Variants in EML6 observed in about 807,000 individuals in gnomAD.
EML6 encodes the protein echinoderm microtubule-associated protein-like 6.
EML6 carries 154 observed loss-of-function variants against 240.1 expected under a neutral mutation model. The ratio of observed to expected loss-of-function variants is 0.64; its 90% CI spans 0.56 to 0.73. The LOEUF is 0.73. EML6 is among the 30% of genes least tolerant of loss of function. The pLI is 0.00. For synonymous variants in EML6, 1,148 were observed against 899.0 expected, an observed-to-expected ratio of 1.28 and a Z score of -4.95; for missense variants, 2,964 against 2,474.6, an observed-to-expected ratio of 1.20 and a Z score of -4.20.
chr2:54,773,794 T>C lies in EML6; in HGVS notation c.198-39438T>C, dbSNP rs1021443731. ...CTGTTTCTTCTGTGCTCAGGAATTA[T>C]GAAATTAGCGCTTCTCCTAAGGAAA... On this transcript the variant is annotated intron_variant, in intron 2 of 41. Coordinates refer to ENST00000356458, the MANE Select transcript of EML6 (RefSeq NM_001039753.4). Among the ~76,000 whole-genome samples, 3 of 152,252 alleles carry C rather than the reference T, an allele frequency of 2.0e-5. No individual in the cohort carries two copies. The South Asian group carries it at 6.2e-4, about 32-fold the overall frequency.
chr2:54,738,086 A>T (rs1180349337), intron 2 of EML6, among the ~76,000 whole-genome samples: 2 of 151,888 alleles, frequency 1.3e-5, no homozygotes, highest in African/African-American at 4.8e-5. Context: ...CTCTTCTCTA[A>T]CACATTCCTT....
chr2:54,847,357 G>T, intron 8 of EML6, 129 bp from the exon 9 acceptor site: 1 of 897,350 alleles, frequency 1.1e-6, no homozygotes, highest in South Asian at 1.8e-5. Flanking sequence ...ATGATAAAGG[G>T]CTCTGGTGTG....
At chr2:54,733,926 A>G (rs1683278031) in intron 2 of EML6, among the ~76,000 whole-genome samples, 1 of 152,226 alleles carries the variant, frequency 6.6e-6, no homozygotes, top group African/African-American at 2.4e-5. Flanking sequence ...CAGAAGGTGG[A>G]GTAGAAGAGA....
At chr2:54,917,240 C>T (rs1487338254) in intron 26 of EML6, among the ~76,000 whole-genome samples, 2 of 152,040 alleles carry the variant, frequency 1.3e-5, no homozygotes, top group South Asian at 4.1e-4. Flanking sequence ...CATTAGGATA[C>T]TTCCACAGAT....
At chr2:54,737,290 A>G (rs1683440750) in intron 2 of EML6, among the ~76,000 whole-genome samples, 1 of 151,962 alleles carries the variant, frequency 6.6e-6, no homozygotes, top group African/African-American at 2.4e-5. Flanking sequence ...AATAATGCAT[A>G]TGTTTTCTTT....
chr2:54,968,646 C>T, intron 40 of EML6, 22 bp from the exon 41 acceptor site: 1 of 1,449,960 alleles, frequency 6.9e-7, no homozygotes, highest in Non-Finnish European at 9.5e-7. Flanking sequence ...TCTTAGCTGT[C>T]TCCATTCACT....
chr2:54,862,338 T>TAAAAAA (rs35834327), intron 12 of EML6, among the ~76,000 whole-genome samples: 3 of 37,696 alleles, frequency 8.0e-5, no homozygotes, highest in African/African-American at 1.1e-4. Context: ...ACTCCATCTC[T>TAAAAAA]AAAAAAAAAA....
chr2:54,871,238 C>G (rs1671240398), intron 15 of EML6, among the ~76,000 whole-genome samples: 1 of 152,162 alleles, frequency 6.6e-6, no homozygotes, highest in Non-Finnish European at 1.5e-5. Context: ...GCACAGTGGA[C>G]ATTTGAATTA....
chr2:54,861,145 A>G (rs1670649834), intron 12 of EML6, among the ~76,000 whole-genome samples: 1 of 152,134 alleles, frequency 6.6e-6, no homozygotes, highest in South Asian at 2.1e-4. Flanking sequence ...GCAAACATAT[A>G]ATAGCCTTCC....
intron 13 of EML6, among the ~76,000 whole-genome samples, chr2:54,864,238 G>A (rs2006878): frequency 0.21 from 32,077 of 152,168 alleles, 3,959 homozygotes; most frequent in Non-Finnish European, 0.28. Context: ...ATGAAAGCAT[G>A]TGTTTCCTTT....
intron 2 of EML6, among the ~76,000 whole-genome samples, chr2:54,752,290 A>T (rs2103711411): frequency 6.6e-6 from 1 of 152,350 alleles, no homozygotes; most frequent in African/African-American, 2.4e-5. Flanking sequence ...ATCTGTTCAC[A>T]TTTTTGTGAA....
chr2:54,761,437 G>A (rs1044669140), intron 2 of EML6, among the ~76,000 whole-genome samples: 6 of 152,014 alleles, frequency 3.9e-5, no homozygotes, highest in African/African-American at 1.4e-4. Flanking sequence ...GTTGAATAAG[G>A]TATTTCCCCT....
chr2:54,827,565 G>T lies in EML6; in HGVS notation c.526-1G>T. 6.4e-7 allele frequency: 1 copy of T among 1,551,092 alleles called. No homozygotes were observed. Among genetic ancestry groups the T allele is most frequent in the Non-Finnish European group, 8.7e-7 (1 of 1,146,622 alleles). On this transcript the variant is annotated splice_acceptor_variant, in intron 5 of 41. Transcript: ENST00000356458. LOFTEE classifies it high-confidence loss of function. ...GATCTATTTTATCACTTACATTGTA[G>T]TTTTGGACACTGTGTGGAAATGCCC...
At chr2:54,802,281 A>G (rs567204977) in intron 2 of EML6, among the ~76,000 whole-genome samples, 27 of 152,280 alleles carry the variant, frequency 1.8e-4, no homozygotes, top group Non-Finnish European at 1.5e-4. Flanking sequence ...AAAAATCACA[A>G]TAAGTAACTT....
At chr2:54,842,790 A>G (rs762437485) in intron 7 of EML6, among the ~76,000 whole-genome samples, 3 of 152,260 alleles carry the variant, frequency 2.0e-5, no homozygotes, top group Non-Finnish European at 4.4e-5. Flanking sequence ...CCTAGGGAGG[A>G]TGAAATAGTA....
At position 54,958,423 on chromosome 2, in the gene EML6, C is replaced by G. The variant is rs548200401; in HGVS notation, c.4695+425C>G. Among the ~76,000 whole-genome samples, 6 of 152,232 alleles carry G rather than the reference C, an allele frequency of 3.9e-5. No individual in the cohort carries two copies. In the South Asian group the frequency reaches 1.2e-3, roughly 32 times the overall value. ...ACCAGGCTGGTCTTGAACTCCTGAC[C>G]TCAGGTGATCCGCCTGCCTCAGCCT... On this transcript the variant is annotated intron_variant, in intron 33 of 41. Coordinates refer to ENST00000356458, the MANE Select transcript of EML6 (RefSeq NM_001039753.4).
Position 54,758,076 on chromosome 2 carries a change from T to C in EML6, c.197+32818T>C, listed in dbSNP as rs1025638089. On this transcript the variant is annotated intron_variant, in intron 2 of 41. Transcript: ENST00000356458. ...CCAGTCACCGTAATTTTCATTTCTA[T>C]GAGTTTTATTTGACTTTCACTTTTC... Among the ~76,000 whole-genome samples, 6 of 152,322 alleles carry C rather than the reference T, an allele frequency of 3.9e-5. No individual in the cohort carries two copies. The South Asian group carries it at 8.3e-4, about 21-fold the overall frequency.
intron 28 of EML6, among the ~76,000 whole-genome samples, chr2:54,945,292 C>A (rs1675638171): frequency 7.8e-6 from 1 of 128,720 alleles, no homozygotes; most frequent in South Asian, 2.8e-4. Flanking sequence ...CTGCCTCCCC[C>A]TTCTCTCTCC....
intron 2 of EML6, among the ~76,000 whole-genome samples, chr2:54,783,451 G>A (rs550949569): frequency 6.6e-6 from 1 of 152,284 alleles, no homozygotes; most frequent in East Asian, 1.9e-4. Context: ...TTTGTACACA[G>A]CCTTTAAAAG....
Sources: gnomAD v4.1 joint callset for allele counts (sites outside exome capture counted in the v4.1 genomes callset) on GRCh38, gnomAD v4.1.1 for gene constraint, MANE v1.5 for transcripts, NCBI Gene and HGNC (gene_info 2026-07-23, HGNC 2026-07-21) for gene names.